The following VWC2 variants were observed in gnomAD, a reference collection of about 807,000 sequenced individuals.
VWC2 encodes brorin.
VWC2 carries 14 observed loss-of-function variants against 29.8 expected under a neutral mutation model. That is an observed-to-expected ratio of 0.47 (90% CI 0.31 to 0.74). VWC2 has a LOEUF of 0.74. Ranked by LOEUF, VWC2 falls within the 30% of genes least tolerant of loss-of-function variation. VWC2 has a pLI of 0.05. For missense variants in VWC2, 457 were observed against 459.8 expected (o/e 0.99, Z 0.05); for synonymous variants, 213 against 199.0 (o/e 1.07, Z -0.59).
chr7:49,846,339 C>T (rs572983411), intron 3 of VWC2, among the ~76,000 whole-genome samples: 4 of 152,362 alleles, frequency 2.6e-5, no homozygotes, highest in African/African-American at 9.6e-5. Flanking sequence ...TTTACCTGCA[C>T]TTCTGTGATC....
At chr7:49,796,135 T>C (rs1287248254) in intron 2 of VWC2, among the ~76,000 whole-genome samples, 3 of 152,236 alleles carry the variant, frequency 2.0e-5, no homozygotes, top group Non-Finnish European at 2.9e-5. Context: ...TCTGTACTAA[T>C]GGAAGAAATA....
intron 3 of VWC2, among the ~76,000 whole-genome samples, chr7:49,824,271 G>A (rs1789339991): frequency 6.6e-6 from 1 of 152,148 alleles, no homozygotes; most frequent in Non-Finnish European, 1.5e-5. Context: ...GGAGATAAGA[G>A]TTGATGTTTG....
At chr7:49,889,088 A>G (rs1242960929) in intron 3 of VWC2, among the ~76,000 whole-genome samples, 2 of 152,206 alleles carry the variant, frequency 1.3e-5, no homozygotes, top group Non-Finnish European at 2.9e-5. Context: ...GAGACCAGAT[A>G]TACAGGGAAT....
intron 3 of VWC2, among the ~76,000 whole-genome samples, chr7:49,892,999 C>T (rs1169091705): frequency 3.9e-5 from 6 of 152,066 alleles, no homozygotes; most frequent in Admixed American, 2.0e-4. Flanking sequence ...TATTTGACAG[C>T]GGGGACACTT....
intron 3 of VWC2, among the ~76,000 whole-genome samples, chr7:49,847,840 G>T (rs191813965): frequency 2.7e-4 from 41 of 152,232 alleles, no homozygotes; most frequent in Non-Finnish European, 5.7e-4. Flanking sequence ...GTGAAAGCCC[G>T]CAGAGGAGGT....
At chr7:49,863,403 T>G (rs1304026470) in intron 3 of VWC2, among the ~76,000 whole-genome samples, 2 of 152,198 alleles carry the variant, frequency 1.3e-5, no homozygotes, top group Non-Finnish European at 2.9e-5. Flanking sequence ...AGCACCAAAT[T>G]TGGCTTTGTT....
At chr7:49,876,043 G>A (rs1791401869) in intron 3 of VWC2, among the ~76,000 whole-genome samples, 1 of 152,144 alleles carries the variant, frequency 6.6e-6, no homozygotes, top group Non-Finnish European at 1.5e-5. Context: ...CACTTGACCT[G>A]TGTATCAAGT....
At chr7:49,895,806 ATGTT>A (rs1792360755) in intron 3 of VWC2, among the ~76,000 whole-genome samples, 1 of 152,182 alleles carries the variant, frequency 6.6e-6, no homozygotes, top group Non-Finnish European at 1.5e-5. Context: ...AGTATAATCA[ATGTT>A]AATTAATTAA....
chr7:49,807,497 G>T (rs1788906797), intron 3 of VWC2, among the ~76,000 whole-genome samples: 1 of 152,206 alleles, frequency 6.6e-6, no homozygotes, highest in Non-Finnish European at 1.5e-5. Context: ...CACCAGCTGT[G>T]TGACTAACCT....
intron 2 of VWC2, among the ~76,000 whole-genome samples, chr7:49,798,057 G>T (rs13237574): frequency 6.6e-6 from 1 of 152,196 alleles, no homozygotes; most frequent in African/African-American, 2.4e-5. Flanking sequence ...TCATCTGATC[G>T]GAAAAAATGT....
chr7:49,843,163 C>G (rs1473003900), intron 3 of VWC2, among the ~76,000 whole-genome samples: 4 of 152,182 alleles, frequency 2.6e-5, no homozygotes, highest in Admixed American at 2.0e-4. Flanking sequence ...TGAGAACATG[C>G]AGTTTTCTGT....
intron 2 of VWC2, among the ~76,000 whole-genome samples, chr7:49,798,433 AC>A (rs1313074459): frequency 6.6e-6 from 1 of 152,152 alleles, no homozygotes; most frequent in Non-Finnish European, 1.5e-5. Flanking sequence ...CAAAGCTAGA[AC>A]CCACGGCTGG....
intron 3 of VWC2, among the ~76,000 whole-genome samples, chr7:49,844,972 C>T (rs912681129): frequency 6.6e-5 from 10 of 152,310 alleles, no homozygotes; most frequent in African/African-American, 2.4e-4. Context: ...CAGCAGCCAC[C>T]GCACCCGGCC....
rs935645649 is a variant in VWC2 at position 49,918,286 on chromosome 7, C to G, written c.*6101C>G. On this transcript the variant is annotated 3_prime_UTR_variant, in exon 4 of 4. Coordinates refer to ENST00000340652, the MANE Select transcript of VWC2 (RefSeq NM_198570.5). Reference sequence around the variant, plus strand: ...TCCAAATCTGCTTTATATCAGAGCCCGTGATTTGAAGTCTTATCATTTGTG... The same window carrying G: ...TCCAAATCTGCTTTATATCAGAGCCGGTGATTTGAAGTCTTATCATTTGTG... 1 of 152,038 alleles carries G rather than the reference C, an allele frequency of 6.6e-6. No homozygotes were observed. Among genetic ancestry groups the G allele is most frequent in the Non-Finnish European group, 1.5e-5 (1 of 68,022 alleles). 9.4% of individuals were successfully genotyped at this position (152,038 alleles called of 1,614,324 possible).
In VWC2 at chr7:49,892,207, G is replaced by A. The variant is rs1792172191; in HGVS notation, c.827-19827G>A. 2.0e-5 allele frequency among the ~76,000 whole-genome samples: 3 copies of A among 151,528 alleles called. No individual in the cohort carries two copies. In the Middle Eastern group the frequency reaches 0.01, roughly 515 times the overall value. On this transcript the variant is annotated intron_variant, in intron 3 of 3. Coordinates refer to ENST00000340652, the MANE Select transcript of VWC2 (RefSeq NM_198570.5). ...CTACAGGCGCCCACCATCACGCCCG[G>A]CTAATTTTTTTTGTATTTTTAGTAG...
rs1174855716 is a variant in VWC2, at chr7:49,776,109, A to G, written c.674A>G (p.Tyr225Cys). The G allele has an allele frequency of 1.3e-6, 2 of 1,537,746 alleles. No individual in the cohort carries two copies. Among genetic ancestry groups the G allele is most frequent in the Non-Finnish European group, 1.7e-6 (2 of 1,145,574 alleles). The change falls in exon 2 of 4, where the codon TAT (tyrosine) becomes TGT (cysteine). Residue 225 changes from tyrosine to cysteine, a missense_variant. By Grantham distance (194) the Tyr-to-Cys change is radical. Around this residue, in one of 2 missense-constraint regions of VWC2, gnomAD observed 185 missense variants for 257.1 expected, o/e 0.72. Transcript: ENST00000340652. ...KNYCEFRGKT[Y>C]QTLEEFVVSP... ...TACTGCGAGTTCCGGGGCAAGACCT[A>G]TCAGACTTTGGAGGAGTTCGTGGTA...
intron 2 of VWC2, among the ~76,000 whole-genome samples, chr7:49,788,344 G>A (rs1788347709): frequency 6.6e-6 from 1 of 152,184 alleles, no homozygotes; most frequent in Non-Finnish European, 1.5e-5. Context: ...GCAGACTGAT[G>A]GGTGCCTTTG....
intron 2 of VWC2, among the ~76,000 whole-genome samples, chr7:49,786,993 A>G (rs562546976): frequency 1.3e-5 from 2 of 152,260 alleles, no homozygotes; most frequent in African/African-American, 4.8e-5. Context: ...ATTCTTAGAA[A>G]ACAGGTACTG....
intron 3 of VWC2, among the ~76,000 whole-genome samples, chr7:49,908,011 C>G (rs1214406203): frequency 6.6e-6 from 1 of 152,128 alleles, no homozygotes; most frequent in Non-Finnish European, 1.5e-5. Flanking sequence ...CTACGGAATG[C>G]AGATTTTCCC....
Sources: gnomAD v4.1 joint callset for allele counts (sites outside exome capture counted in the v4.1 genomes callset) on GRCh38, gnomAD v4.1.1 for gene constraint, gnomAD v4.1.1 regional missense constraint, MANE v1.5 for transcripts, NCBI Gene and HGNC (gene_info 2026-07-23, HGNC 2026-07-21) for gene names.